ARFIP1: variants seen among roughly 807,000 people sequenced by gnomAD.
ARFIP1 encodes the protein ARF interacting protein 1.
Under a neutral mutation model 42.5 loss-of-function variants are expected in ARFIP1, and 24 were observed. The ratio of observed to expected loss-of-function variants is 0.57; its 90% CI spans 0.41 to 0.80. The LOEUF (loss-of-function observed/expected upper bound fraction) is 0.80. Among genes scored for constraint, ARFIP1 ranks in the 30% least tolerant of loss-of-function variants. The pLI is 0.00. For synonymous variants in ARFIP1, 141 were observed against 153.7 expected (o/e 0.92, Z 0.61); for missense variants, 354 against 434.0 (o/e 0.82, Z 1.64).
intron 8 of ARFIP1, among the ~76,000 whole-genome samples, chr4:152,894,852 G>T (rs1283400127): frequency 1.3e-5 from 2 of 152,330 alleles, no homozygotes; most frequent in African/African-American, 4.8e-5. Context: ...GGTTGGGGAA[G>T]GCCTTCATGA....
chr4:152,785,389 A>G (rs1293861300), intron 1 of ARFIP1, among the ~76,000 whole-genome samples: 1 of 152,216 alleles, frequency 6.6e-6, no homozygotes, highest in African/African-American at 2.4e-5. Flanking sequence ...TCACATACCT[A>G]AAAAGGGATG....
chr4:152,788,378 C>G (rs1730938633), intron 1 of ARFIP1, among the ~76,000 whole-genome samples: 1 of 152,016 alleles, frequency 6.6e-6, no homozygotes, highest in Non-Finnish European at 1.5e-5. Flanking sequence ...CCCATACCCA[C>G]TTTCCCCTAT....
At chr4:152,865,640 TA>T (rs1295818174) in intron 3 of ARFIP1, among the ~76,000 whole-genome samples, 1 of 152,062 alleles carries the variant, frequency 6.6e-6, no homozygotes, top group Non-Finnish European at 1.5e-5. Flanking sequence ...TTTAGAAAAA[TA>T]AAGGGAGCAA....
At chr4:152,786,053 T>C (rs1730785785) in intron 1 of ARFIP1, among the ~76,000 whole-genome samples, 1 of 152,246 alleles carries the variant, frequency 6.6e-6, no homozygotes, top group African/African-American at 2.4e-5. Context: ...TAGCAGTTTT[T>C]GTTTTAGCTG....
chr4:152,889,535 A>ATATATATATAT (rs1736559918), intron 8 of ARFIP1, among the ~76,000 whole-genome samples: 1 of 30,482 alleles, frequency 3.3e-5, no homozygotes, highest in African/African-American at 7.2e-5. Flanking sequence ...ATATATATAT[A>ATATATATATAT]CACCTATTTT....
chr4:152,870,881 T>C (rs1481836205), intron 4 of ARFIP1, 33 bp downstream of exon 4: 12 of 1,517,888 alleles, frequency 7.9e-6, no homozygotes, highest in Non-Finnish European at 8.2e-6. Flanking sequence ...AAAGCACTTA[T>C]TGCTACTGCT....
chr4:152,793,504 T>C (rs1286746840), intron 1 of ARFIP1, among the ~76,000 whole-genome samples: 2 of 151,946 alleles, frequency 1.3e-5, no homozygotes, highest in Non-Finnish European at 2.9e-5. Context: ...CCCACATACC[T>C]GAAACTGTGG....
chr4:152,905,542 A>ATTTTTTT (rs1391678382), intron 8 of ARFIP1, among the ~76,000 whole-genome samples: 4 of 45,972 alleles, frequency 8.7e-5, no homozygotes, highest in African/African-American at 2.6e-4. Context: ...AATTGTAAGA[A>ATTTTTTT]TTGTTTTTTT....
At chr4:152,874,056 T>C (rs1375947522) in intron 5 of ARFIP1, among the ~76,000 whole-genome samples, 1 of 152,240 alleles carries the variant, frequency 6.6e-6, no homozygotes, top group Non-Finnish European at 1.5e-5. Context: ...TGAGCAAGTT[T>C]AAGCTTTTTG....
At chr4:152,799,631 A>T (rs1731680201) in intron 1 of ARFIP1, among the ~76,000 whole-genome samples, 1 of 152,232 alleles carries the variant, frequency 6.6e-6, no homozygotes, top group Admixed American at 6.5e-5. Flanking sequence ...TTGGCAAAGC[A>T]GTGTTGTAGT....
intron 1 of ARFIP1, among the ~76,000 whole-genome samples, chr4:152,800,771 A>C (rs1408432945): frequency 6.6e-6 from 1 of 152,172 alleles, no homozygotes; most frequent in Non-Finnish European, 1.5e-5. Context: ...TCCTGCATCC[A>C]AGGTCGTATT....
At chr4:152,844,117 T>G (rs963514570) in intron 2 of ARFIP1, among the ~76,000 whole-genome samples, 1 of 152,226 alleles carries the variant, frequency 6.6e-6, no homozygotes, top group Non-Finnish European at 1.5e-5. Flanking sequence ...ACCACTGTAT[T>G]TCTCTTGGCT....
chr4:152,893,774 C>G (rs1200577484), intron 8 of ARFIP1, among the ~76,000 whole-genome samples: 2 of 152,000 alleles, frequency 1.3e-5, no homozygotes, highest in Non-Finnish European at 2.9e-5. Context: ...TGGGATCTAT[C>G]CTGGACACAT....
rs151192725 is a variant in ARFIP1 at position 152,815,471 on chromosome 4, A to G, written c.-9-14154A>G. ...AGCTTCAAGCTTTTGTCTGGACCTC[A>G]GGCTCATAAATCCAGTAACCTACTT... On this transcript the variant is annotated intron_variant, in intron 1 of 8. Coordinates refer to ENST00000353617, the MANE Select transcript of ARFIP1 (RefSeq NM_001025595.3). Among the ~76,000 whole-genome samples, 11 of 152,320 alleles carry G rather than the reference A, an allele frequency of 7.2e-5. No individual in the cohort carries two copies. The East Asian group carries it at 2.1e-3, about 29-fold the overall frequency.
chr4:152,796,850 G>A (rs1371153763), intron 1 of ARFIP1: 2 of 522,172 alleles, frequency 3.8e-6, no homozygotes, highest in Non-Finnish European at 6.9e-6. Context: ...CGGCTGCAGA[G>A]CACCCAGAAG....
At chr4:152,879,706 A>G (rs967933063) in intron 5 of ARFIP1, among the ~76,000 whole-genome samples, 3 of 151,960 alleles carry the variant, frequency 2.0e-5, no homozygotes, top group Admixed American at 6.6e-5. Context: ...AAAATTAGCC[A>G]CGTGTGGTGT....
intron 5 of ARFIP1, among the ~76,000 whole-genome samples, chr4:152,877,813 G>A (rs955144805): frequency 6.6e-6 from 1 of 152,120 alleles, no homozygotes; most frequent in African/African-American, 2.4e-5. Flanking sequence ...GATCTGATAG[G>A]TTTATCAGGG....
In ARFIP1 at chr4:152,867,855, G is replaced by A. The variant is rs542967692; in HGVS notation, c.203-2898G>A. Reference sequence around the variant, plus strand: ...AATCCAAACTGTATTGTTGATCAGTGTATTAGGAAAATAATCATTCTGCTG... The same window carrying A: ...AATCCAAACTGTATTGTTGATCAGTATATTAGGAAAATAATCATTCTGCTG... On this transcript the variant is annotated intron_variant, in intron 3 of 8. Coordinates refer to ENST00000353617, the MANE Select transcript of ARFIP1 (RefSeq NM_001025595.3). Among the ~76,000 whole-genome samples, 4 of 152,302 alleles carry A rather than the reference G, an allele frequency of 2.6e-5. No homozygotes were observed. In the South Asian group the frequency reaches 8.3e-4, roughly 32 times the overall value.
intron 1 of ARFIP1, among the ~76,000 whole-genome samples, chr4:152,814,036 T>C (rs901252914): frequency 1.3e-5 from 2 of 152,042 alleles, no homozygotes; most frequent in Non-Finnish European, 2.9e-5. Context: ...TTATTCGATA[T>C]AGAATTCTAG....
Sources: gnomAD v4.1 joint callset for allele counts (sites outside exome capture counted in the v4.1 genomes callset) on GRCh38, gnomAD v4.1.1 for gene constraint, MANE v1.5 for transcripts, NCBI Gene and HGNC (gene_info 2026-07-23, HGNC 2026-07-21) for gene names.